Variants in IMMP2L observed in about 807,000 individuals in gnomAD.
IMMP2L encodes the protein inner mitochondrial membrane peptidase subunit 2.
Under a neutral mutation model 19.3 loss-of-function variants are expected in IMMP2L, and 18 were observed. That is an observed-to-expected ratio of 0.93 (90% CI 0.64 to 1.38). IMMP2L has a LOEUF of 1.38. IMMP2L is among the 40% of genes most tolerant of loss of function. The probability of loss-of-function intolerance (pLI) is 0.00; values close to 1 mark genes in which losing one functional copy is unlikely to be tolerated. For synonymous variants in IMMP2L, 76 were observed against 73.0 expected, an observed-to-expected ratio of 1.04 and a Z score of -0.21; for missense variants, 233 against 218.2, an observed-to-expected ratio of 1.07 and a Z score of -0.43.
intron 4 of IMMP2L, among the ~76,000 whole-genome samples, chr7:110,906,492 A>G (rs936310095): frequency 1.3e-5 from 2 of 152,190 alleles, no homozygotes; most frequent in Admixed American, 1.3e-4. Context: ...ATGTAACCCT[A>G]GTGAATACGA....
chr7:111,291,513 G>C (rs1821103879), intron 3 of IMMP2L, among the ~76,000 whole-genome samples: 1 of 152,102 alleles, frequency 6.6e-6, no homozygotes, highest in Non-Finnish European at 1.5e-5. Flanking sequence ...CTGGTATAAG[G>C]AGTAATGTAC....
chr7:111,165,293 T>C (rs1378077764), intron 3 of IMMP2L, among the ~76,000 whole-genome samples: 1 of 152,096 alleles, frequency 6.6e-6, no homozygotes, highest in African/African-American at 2.4e-5. Context: ...ATTGTACATA[T>C]ACACCACACT....
chr7:111,439,274 T>C (rs1837486733), intron 3 of IMMP2L, among the ~76,000 whole-genome samples: 1 of 151,780 alleles, frequency 6.6e-6, no homozygotes, highest in South Asian at 2.1e-4. Context: ...TCCACAATTC[T>C]AGTGGCCCAG....
intron 3 of IMMP2L, among the ~76,000 whole-genome samples, chr7:111,024,411 C>T (rs1423759566): frequency 2.6e-5 from 4 of 152,134 alleles, no homozygotes; most frequent in Non-Finnish European, 5.9e-5. Context: ...CTACTTTATC[C>T]TAGGAACTCC....
chr7:110,968,342 G>T (rs2129556209), intron 3 of IMMP2L, among the ~76,000 whole-genome samples: 1 of 152,000 alleles, frequency 6.6e-6, no homozygotes, highest in East Asian at 1.9e-4. Context: ...AAAACAGGTA[G>T]ATCTGGCAAC....
At chr7:111,090,498 A>C (rs1796745251) in intron 3 of IMMP2L, among the ~76,000 whole-genome samples, 1 of 152,132 alleles carries the variant, frequency 6.6e-6, no homozygotes, top group Non-Finnish European at 1.5e-5. Flanking sequence ...ATAATTAGAA[A>C]TACATATTTT....
At chr7:111,142,478 T>C (rs1033313233) in intron 3 of IMMP2L, among the ~76,000 whole-genome samples, 4 of 152,162 alleles carry the variant, frequency 2.6e-5, no homozygotes, top group African/African-American at 9.7e-5. Flanking sequence ...AGTATCATTT[T>C]ATACACATAT....
chr7:110,974,622 T>C (rs954940325), intron 3 of IMMP2L, among the ~76,000 whole-genome samples: 3 of 152,084 alleles, frequency 2.0e-5, no homozygotes, highest in Non-Finnish European at 4.4e-5. Context: ...ACCGCTGCCA[T>C]CTGTTTGCCT....
At chr7:111,106,956 A>G (rs1396480380) in intron 3 of IMMP2L, among the ~76,000 whole-genome samples, 1 of 151,974 alleles carries the variant, frequency 6.6e-6, no homozygotes, top group East Asian at 1.9e-4. Context: ...TATGTTATGC[A>G]TGTATTCAAT....
intron 2 of IMMP2L, among the ~76,000 whole-genome samples, chr7:111,516,961 A>C (rs1403030813): frequency 6.6e-6 from 1 of 152,132 alleles, no homozygotes; most frequent in Non-Finnish European, 1.5e-5. Flanking sequence ...TTACCAGGTA[A>C]CATAAAACTC....
At chr7:111,396,472 G>A (rs1172353267) in intron 3 of IMMP2L, among the ~76,000 whole-genome samples, 1 of 151,984 alleles carries the variant, frequency 6.6e-6, no homozygotes, top group Non-Finnish European at 1.5e-5. Flanking sequence ...GATACAGGGA[G>A]GGGAACATCA....
Position 111,461,391 on chromosome 7 carries a change from A to C in IMMP2L, c.239+25847T>G, listed in dbSNP as rs376132178. On this transcript the variant is annotated intron_variant, in intron 3 of 5. Coordinates refer to ENST00000405709, the MANE Select transcript of IMMP2L (RefSeq NM_032549.4). ...TTAAAAGCAAAAAAAATCATCCTGA[A>C]ATACACACACACATACACGCACACG... is the stretch of plus-strand genomic sequence containing the variant. Among the ~76,000 whole-genome samples the C allele has an allele frequency of 5.6e-4, 85 of 152,170 alleles. 2 individuals are homozygous for C. Among genetic ancestry groups the C allele is most frequent in the African/African-American group, 1.9e-3 (79 of 41,572 alleles).
At chr7:110,977,825 C>T (rs761564360) in intron 3 of IMMP2L, among the ~76,000 whole-genome samples, 1 of 151,908 alleles carries the variant, frequency 6.6e-6, no homozygotes, top group Non-Finnish European at 1.5e-5. Context: ...GATTAAGCCA[C>T]TTTTAGGCCC....
Position 110,748,256 on chromosome 7 carries a change from A to T in IMMP2L, c.409-84535T>A, listed in dbSNP as rs185739729. The stretch of plus-strand genomic sequence containing the variant: ...CTCAAAGAAATAAGAGAGGACACAA[A>T]CAAATGGAAGAACATTCCATGCTCA... On this transcript the variant is annotated intron_variant, in intron 5 of 5. Transcript: ENST00000405709. Among the ~76,000 whole-genome samples the T allele has an allele frequency of 5.7e-3, 861 of 152,298 alleles. 10 individuals are homozygous for T. Among genetic ancestry groups the T allele is most frequent in the Non-Finnish European group, 9.1e-3 (619 of 68,016 alleles).
chr7:110,931,023 T>C (rs917349911), intron 4 of IMMP2L, among the ~76,000 whole-genome samples: 3 of 152,100 alleles, frequency 2.0e-5, no homozygotes, highest in Admixed American at 6.6e-5. Flanking sequence ...GAGTGTAAAA[T>C]TGTAATTTTT....
intron 4 of IMMP2L, among the ~76,000 whole-genome samples, chr7:110,961,776 C>T (rs879700265): frequency 1.3e-5 from 2 of 151,686 alleles, no homozygotes; most frequent in Admixed American, 6.6e-5. Context: ...ACCTAAAAAA[C>T]ACTGTTAGCA....
intron 3 of IMMP2L, among the ~76,000 whole-genome samples, chr7:111,094,912 G>A (rs1563235857): frequency 6.6e-6 from 1 of 152,054 alleles, no homozygotes; most frequent in African/African-American, 2.4e-5. Context: ...GGTCTCAATA[G>A]ATGCTATTTA....
chr7:110,850,582 A>G (rs992671325), intron 5 of IMMP2L, among the ~76,000 whole-genome samples: 1 of 152,092 alleles, frequency 6.6e-6, no homozygotes, highest in African/African-American at 2.4e-5. Flanking sequence ...CTGCTGTCTA[A>G]TACCACTGGC....
At chr7:111,487,160 A>G in intron 3 of IMMP2L, 78 bp downstream of exon 3, 1 of 660,546 alleles carries the variant, frequency 1.5e-6, no homozygotes, top group East Asian at 2.7e-5. Flanking sequence ...ATATGATATT[A>G]ACAGTGGATT....
Sources: gnomAD v4.1 joint callset for allele counts (sites outside exome capture counted in the v4.1 genomes callset) on GRCh38, gnomAD v4.1.1 for gene constraint, MANE v1.5 for transcripts, NCBI Gene and HGNC (gene_info 2026-07-23, HGNC 2026-07-21) for gene names.